The following EPS15 variants were observed in gnomAD, a reference collection of about 807,000 sequenced individuals.
EPS15 encodes epidermal growth factor receptor substrate 15.
In EPS15, 72 loss-of-function variants were observed where a neutral mutation model predicts 113.8. That is an observed-to-expected ratio of 0.63 (90% confidence interval 0.52 to 0.77). EPS15 has a LOEUF of 0.77. EPS15 is among the 30% of genes least tolerant of loss of function. The pLI is 0.00. For synonymous variants in EPS15, 344 were observed against 363.4 expected (o/e 0.95, Z 0.61); for missense variants, 1,048 against 1,045.8 (o/e 1.00, Z -0.03).
At chr1:51,424,229 T>C (rs1274530094) in intron 12 of EPS15, among the ~76,000 whole-genome samples, 1 of 152,210 alleles carries the variant, frequency 6.6e-6, no homozygotes, top group African/African-American at 2.4e-5. Context: ...TTGTCCTGTA[T>C]ATCAGACTGA....
chr1:51,484,037 G>C, intron 1 of EPS15, among the ~76,000 whole-genome samples: 2 of 152,226 alleles, frequency 1.3e-5, no homozygotes, highest in African/African-American at 4.8e-5. Flanking sequence ...GTTGAGCCAC[G>C]GAGGTCAAAG....
At chr1:51,485,214 A>G (rs1287905139) in intron 1 of EPS15, among the ~76,000 whole-genome samples, 1 of 152,202 alleles carries the variant, frequency 6.6e-6, no homozygotes, top group Non-Finnish European at 1.5e-5. Flanking sequence ...CCACTGTTAA[A>G]TTTTTAAGGA....
intron 21 of EPS15, among the ~76,000 whole-genome samples, chr1:51,377,404 C>T (rs1048241131): frequency 2.6e-5 from 4 of 152,158 alleles, no homozygotes; most frequent in African/African-American, 9.7e-5. Flanking sequence ...TAACTGCAGA[C>T]GTGGTACAAA....
intron 19 of EPS15, 113 bp downstream of exon 19, chr1:51,400,805 T>C: frequency 2.0e-6 from 1 of 495,166 alleles, no homozygotes; most frequent in Non-Finnish European, 3.6e-6. Flanking sequence ...TTTCTGAAAA[T>C]GCCAGGCACA....
intron 1 of EPS15, among the ~76,000 whole-genome samples, chr1:51,518,713 G>C (rs1644776244): frequency 6.6e-6 from 1 of 152,130 alleles, no homozygotes; most frequent in African/African-American, 2.4e-5. Flanking sequence ...CTGCGCGTCC[G>C]GCTCTGGAAG....
At chr1:51,394,513 C>T in intron 20 of EPS15, 66 bp from the exon 21 acceptor site, 1 of 870,604 alleles carries the variant, frequency 1.1e-6, no homozygotes, top group Non-Finnish European at 1.8e-6. Flanking sequence ...CTCATCACCA[C>T]TCCAAAGAAT....
chr1:51,435,683 A>G (rs558673845), intron 12 of EPS15, among the ~76,000 whole-genome samples: 21 of 152,330 alleles, frequency 1.4e-4, no homozygotes, highest in South Asian at 1.0e-3. Context: ...GTGTTAAGTA[A>G]TGTGTGTGTT....
At chr1:51,439,072 T>G (rs774785137) in intron 12 of EPS15, among the ~76,000 whole-genome samples, 1 of 152,102 alleles carries the variant, frequency 6.6e-6, no homozygotes, top group Non-Finnish European at 1.5e-5. Flanking sequence ...TATAAGTACA[T>G]GTAGCTAGAT....
chr1:51,413,739 T>C (rs1649956386), intron 13 of EPS15, among the ~76,000 whole-genome samples: 1 of 152,156 alleles, frequency 6.6e-6, no homozygotes, highest in South Asian at 2.1e-4. Context: ...CTTTAACATG[T>C]CACTGTGGCA....
At chr1:51,387,184 A>C (rs892381394) in intron 21 of EPS15, among the ~76,000 whole-genome samples, 6 of 152,192 alleles carry the variant, frequency 3.9e-5, no homozygotes, top group African/African-American at 1.4e-4. Flanking sequence ...TAAAGAAAAG[A>C]ATTTTCAACC....
At chr1:51,383,191 A>G (rs1224487362) in intron 21 of EPS15, among the ~76,000 whole-genome samples, 1 of 152,242 alleles carries the variant, frequency 6.6e-6, no homozygotes, top group African/African-American at 2.4e-5. Flanking sequence ...CTTTCATGAT[A>G]AAAACACTCA....
chr1:51,500,340 T>C (rs1644391001), intron 1 of EPS15, among the ~76,000 whole-genome samples: 1 of 152,220 alleles, frequency 6.6e-6, no homozygotes, highest in Non-Finnish European at 1.5e-5. Flanking sequence ...ATGGTGATTA[T>C]GCGGTAATTC....
intron 1 of EPS15, among the ~76,000 whole-genome samples, chr1:51,505,789 AT>A (rs1644489185): frequency 6.6e-6 from 1 of 152,038 alleles, no homozygotes; most frequent in African/African-American, 2.4e-5. Flanking sequence ...ATTTTATTTT[AT>A]TTTTATTTAT....
At chr1:51,508,248 A>AAAGAAAG (rs1644540479) in intron 1 of EPS15, among the ~76,000 whole-genome samples, 1 of 103,962 alleles carries the variant, frequency 9.6e-6, no homozygotes, top group Non-Finnish European at 1.8e-5. Flanking sequence ...GAAAGAGAGA[A>AAAGAAAG]AGAGAGAGAG....
Position 51,428,826 on chromosome 1 carries a change from C to CAAA in EPS15, c.1041-6971_1041-6969dup, listed in dbSNP as rs902706524. 7.3e-3 allele frequency among the ~76,000 whole-genome samples: 391 copies of CAAA among 53,758 alleles called. 12 individuals are homozygous for CAAA. The highest frequency in any genetic ancestry group is 0.023 in the African/African-American group (298 of 13,110). 35.3% of individuals were successfully genotyped at this position (53,758 alleles called of 152,430 possible). A position where few individuals can be genotyped will look rare whatever the true frequency, so the allele number is the denominator to read the frequency against. On this transcript the variant is annotated intron_variant, in intron 12 of 24. Coordinates refer to ENST00000371733, the MANE Select transcript of EPS15 (RefSeq NM_001981.3). Reference sequence around the variant, plus strand: ...TAGATGACAGAGCAAGACTCCATCTCAAAAAAAAAAAAAAAAAAAAAAAGT... The same window carrying CAAA: ...TAGATGACAGAGCAAGACTCCATCTCAAAAAAAAAAAAAAAAAAAAAAAAAAGT...
chr1:51,447,069 C>T lies in EPS15; in HGVS notation c.688G>A (p.Glu230Lys). The T allele has an allele frequency of 6.2e-7, 1 of 1,613,514 alleles. No homozygotes were observed. Among genetic ancestry groups the T allele is most frequent in the East Asian group, 2.2e-5 (1 of 44,842 alleles). The change falls in exon 10 of 25, where the codon GAA (glutamate) becomes AAA (lysine). Residue 230 changes from glutamate (E) to lysine (K), a missense_variant. By Grantham distance (56) the Glu-to-Lys change is moderately conservative (BLOSUM62 1). Coordinates refer to ENST00000371733, the MANE Select transcript of EPS15 (RefSeq NM_001981.3). ...VSPAEKAKYD[E>K]IFLKTDKDMD... Reference sequence around the variant, plus strand: ...TCTTTATCAGTTTTCAGGAAGATTTCATCATATTTAGCTTTTTCTGCAGGG... The same window carrying T: ...TCTTTATCAGTTTTCAGGAAGATTTTATCATATTTAGCTTTTTCTGCAGGG...
chr1:51,458,554 C>G (rs6672300), intron 8 of EPS15: 5 of 442,912 alleles, frequency 1.1e-5, no homozygotes, highest in African/African-American at 8.3e-5. Context: ...CTGGCAAACA[C>G]GGCGAAACGC....
intron 8 of EPS15, among the ~76,000 whole-genome samples, chr1:51,460,588 T>A (rs1276035736): frequency 1.3e-5 from 2 of 151,882 alleles, no homozygotes; most frequent in Non-Finnish European, 2.9e-5. Flanking sequence ...TAAAGCCAAA[T>A]AAAATGAAGA....
rs930107306 is a variant in EPS15, at chr1:51,465,175, T to C, written c.375+86A>G. The C allele has an allele frequency of 2.9e-5, 23 of 800,538 alleles. No individual in the cohort carries two copies. In the Admixed American group the frequency reaches 2.9e-4, roughly 10 times the overall value. The allele number at this position is 800,538 out of a possible 1,614,324, so 49.6% of individuals were successfully genotyped here. A position where few individuals can be genotyped will look rare whatever the true frequency, so the allele number is the denominator to read the frequency against. ...TCCCTAAACATGTATGAAAGTCTAA[T>C]GAAGATAGCAATATATTTCAGAGGT... is the stretch of plus-strand genomic sequence containing the variant. On this transcript the variant is annotated intron_variant, in intron 6 of 24. Transcript: ENST00000371733.
Sources: allele counts gnomAD v4.1 joint callset (sites outside exome capture counted in the v4.1 genomes callset), GRCh38; gene constraint gnomAD v4.1.1; transcripts MANE v1.5; gene names NCBI Gene and HGNC (gene_info 2026-07-23, HGNC 2026-07-21).